PHF12: variants seen among roughly 807,000 people sequenced by gnomAD.
PHF12 encodes the protein PHD finger protein 12.
In PHF12, 6 loss-of-function variants were observed where a neutral mutation model predicts 99.8. The observed-to-expected ratio is 0.06, with a 90% CI of 0.03 to 0.12. PHF12 has a LOEUF of 0.12. Among genes scored for constraint, PHF12 ranks in the 10% least tolerant of loss-of-function variants. The pLI, the probability that PHF12 is intolerant of heterozygous loss-of-function variation, is 1.00. For missense variants in PHF12, 954 were observed against 1,300.1 expected, an observed-to-expected ratio of 0.73 and a Z score of 4.09; for synonymous variants, 480 against 514.9, an observed-to-expected ratio of 0.93 and a Z score of 0.92.
intron 11 of PHF12, 176 bp from the exon 12 acceptor site, chr17:28,909,057 AC>A (rs2039917051): frequency 3.2e-6 from 2 of 619,402 alleles, no homozygotes; most frequent in Non-Finnish European, 5.8e-6. Context: ...TTCTCTCCCC[AC>A]CCACAGCATT....
Position 28,949,202 on chromosome 17 carries a change from C to G in PHF12, c.248+863G>C, listed in dbSNP as rs763026714. On this transcript the variant is annotated intron_variant, in intron 2 of 14. Coordinates refer to ENST00000332830, the MANE Select transcript of PHF12 (RefSeq NM_001033561.2). The surrounding 1 kb of genome is among the most constrained non-coding windows in gnomAD (Gnocchi z 4.6). ...CCTCTGGCAGCAAAGAATTTTGCAG[C>G]GAAGGGCTCGCCGATCCGGAGCGGA... Among the ~76,000 whole-genome samples the G allele has an allele frequency of 1.2e-4, 18 of 152,294 alleles. No homozygotes were observed. The highest frequency in any genetic ancestry group is 2.1e-4 in the South Asian group (1 of 4,824).
At chr17:28,908,731 T>C in intron 12 of PHF12, 52 bp downstream of exon 12, 1 of 1,571,036 alleles carries the variant, frequency 6.4e-7, no homozygotes, top group East Asian at 2.2e-5. Context: ...AGGGTGTCAG[T>C]CTTTAGGGCT....
At chr17:28,910,125 T>C (rs1008990280) in intron 11 of PHF12, 101 bp downstream of exon 11, 12 of 1,541,036 alleles carry the variant, frequency 7.8e-6, no homozygotes, top group Admixed American at 3.3e-5. Flanking sequence ...ACAAGGAGGT[T>C]TGAGATACTG....
Position 28,913,201 on chromosome 17 carries a change from T to C in PHF12, c.1370A>G (p.Asp457Gly). ...ATCAGCCTTCTCTGTCTGTTCAGAG[T>C]CCCAATGCGAAGGCATCTGCTTAGC... Reference protein sequence around the residue: ...LSAKQMPSHWDSEQTEKADIK... With the variant: ...LSAKQMPSHWGSEQTEKADIK... The change falls in exon 9 of 15, where the codon GAC becomes GGC. Residue 457 changes from aspartate to glycine, a missense_variant. Physicochemically the swap from Asp to Gly is moderately conservative, Grantham distance 94. Transcript: ENST00000332830. The C allele has an allele frequency of 6.2e-7, 1 of 1,613,996 alleles. No individual in the cohort carries two copies. The highest frequency in any genetic ancestry group is 8.5e-7 in the Non-Finnish European group (1 of 1,179,978).
chr17:28,934,591 CTTTCTTTTT>C (rs1042125326), intron 2 of PHF12, among the ~76,000 whole-genome samples: 4 of 149,442 alleles, frequency 2.7e-5, no homozygotes, highest in Non-Finnish European at 3.0e-5. Context: ...CCTTTCTTTT[CTTTCTTTTT>C]TTCTTTTCTA....
intron 2 of PHF12, among the ~76,000 whole-genome samples, chr17:28,947,769 A>AT (rs1598166832): frequency 6.6e-6 from 1 of 152,214 alleles, no homozygotes. Flanking sequence ...AATAACTCAG[A>AT]TAAGTCAATG....
chr17:28,933,419 T>A (rs1178397969), intron 2 of PHF12, among the ~76,000 whole-genome samples: 1 of 152,250 alleles, frequency 6.6e-6, no homozygotes, highest in East Asian at 1.9e-4. Flanking sequence ...CTGACTTATC[T>A]AAAGCCACTA....
Position 28,911,250 on chromosome 17 carries a change from C to G in PHF12, c.2090-13G>C, listed in dbSNP as rs1212681145. 1 of 1,613,780 alleles carries G rather than the reference C, an allele frequency of 6.2e-7. No individual in the cohort carries two copies. The highest frequency in any genetic ancestry group is 1.3e-5 in the African/African-American group (1 of 74,920). On this transcript the variant is annotated splice_polypyrimidine_tract_variant and intron_variant, in intron 9 of 14. Coordinates refer to ENST00000332830, the MANE Select transcript of PHF12 (RefSeq NM_001033561.2). ...CTGACCTTGCCATCTGGGGACGGAG[C>G]AGGAAGACTGTTACTTACGTCGCCT...
intron 2 of PHF12, among the ~76,000 whole-genome samples, chr17:28,948,272 A>C (rs964826030): frequency 1.3e-5 from 2 of 152,146 alleles, no homozygotes; most frequent in Non-Finnish European, 2.9e-5. Context: ...GTCCTGGTAT[A>C]CATACCAAAC....
intron 7 of PHF12, among the ~76,000 whole-genome samples, chr17:28,914,961 G>C (rs942568132): frequency 9.9e-5 from 15 of 152,202 alleles, no homozygotes; most frequent in Admixed American, 7.2e-4. Flanking sequence ...TAAAAGTTAA[G>C]ACTTGCCCTC....
intron 10 of PHF12, 30 bp downstream of exon 10, chr17:28,911,081 AC>A: frequency 6.2e-7 from 1 of 1,613,766 alleles, no homozygotes; most frequent in South Asian, 1.1e-5. Context: ...AACATAGCAA[AC>A]GGTGGAACAG....
At chr17:28,914,591 G>A (rs1201417396) in intron 7 of PHF12, among the ~76,000 whole-genome samples, 2 of 141,688 alleles carry the variant, frequency 1.4e-5, no homozygotes, top group Non-Finnish European at 3.0e-5. Context: ...AGAATGGCAT[G>A]AACCCGGGAG....
At position 28,923,934 on chromosome 17, in the gene PHF12, T is replaced by C. The variant is rs1567960117; in HGVS notation, c.690A>G (p.Glu230=). Residue 230 remains glutamate (E), a synonymous_variant, in exon 4 of 15, where the codon GAA becomes GAG. Coordinates refer to ENST00000332830, the MANE Select transcript of PHF12 (RefSeq NM_001033561.2). The part of the protein sequence containing the change: ...RNPTQFQLPN[E]LTCTTALPGS... ...CTGGTAGTGCAGTGGTACAAGTCAG[T>C]TCATTGGGCAACTGAAATTGGGTGG... is the stretch of plus-strand genomic sequence containing the variant. The C allele has an allele frequency of 6.2e-7, 1 of 1,612,394 alleles. No individual in the cohort carries two copies. Among genetic ancestry groups the C allele is most frequent in the Non-Finnish European group, 8.5e-7 (1 of 1,179,642 alleles).
chr17:28,951,011 GGGGGA>G lies in PHF12; in HGVS notation c.-56_-52del. On this transcript the variant is annotated 5_prime_UTR_variant, in exon 1 of 15. Transcript: ENST00000332830. ...CTCTGCTCCGGCCCCCCCAACCCCG[GGGGGA>G]GGGGGGAGGTGAGGGGAGGGGGCGC... 6.2e-7 allele frequency: 1 copy of G among 1,610,542 alleles called. No homozygotes were observed. The highest frequency in any genetic ancestry group is 8.5e-7 in the Non-Finnish European group (1 of 1,178,138).
chr17:28,918,753 T>C (rs1449691110), intron 6 of PHF12, among the ~76,000 whole-genome samples: 1 of 152,238 alleles, frequency 6.6e-6, no homozygotes, highest in African/African-American at 2.4e-5. Flanking sequence ...CTTCACACTA[T>C]TATTCATTCA....
At chr17:28,928,798 A>G (rs778410871) in intron 2 of PHF12, among the ~76,000 whole-genome samples, 2 of 151,674 alleles carry the variant, frequency 1.3e-5, no homozygotes, top group African/African-American at 4.8e-5. Flanking sequence ...ACAAACAAAC[A>G]AACCAAACCA....
intron 3 of PHF12, 24 bp from the exon 4 acceptor site, chr17:28,924,326 C>T: frequency 6.2e-7 from 1 of 1,613,978 alleles, no homozygotes; most frequent in Middle Eastern, 1.6e-4. Context: ...CAGGTGGGCC[C>T]ATCATGAAAA....
In PHF12 at chr17:28,906,565, C is replaced by T. The variant is rs1259151074; in HGVS notation, c.2681-48G>A. ...CAGAAGAGGAACAGTGAGCAGCCAACCCATGTGGGCTGTTTGCCAAGGTTG... is the reference window on the plus strand; with the variant it reads ...CAGAAGAGGAACAGTGAGCAGCCAATCCATGTGGGCTGTTTGCCAAGGTTG... On this transcript the variant is annotated intron_variant, in intron 14 of 14. Coordinates refer to ENST00000332830, the MANE Select transcript of PHF12 (RefSeq NM_001033561.2). The surrounding 1 kb of genome is among the most constrained non-coding windows in gnomAD (Gnocchi z 4.2). 6.5e-7 allele frequency: 1 copy of T among 1,534,424 alleles called. No homozygotes were observed. The highest frequency in any genetic ancestry group is 1.3e-5 in the South Asian group (1 of 79,748).
At chr17:28,922,954 A>C (rs8076554) in intron 4 of PHF12, among the ~76,000 whole-genome samples, 51,141 of 151,676 alleles carry the variant, frequency 0.34, 9,985 homozygotes, top group African/African-American at 0.54. Flanking sequence ...GTGGTGTACA[A>C]CTGTGGTCCC....
Sources: gnomAD v4.1 joint callset for allele counts (sites outside exome capture counted in the v4.1 genomes callset) on GRCh38, gnomAD v4.1.1 for gene constraint, Gnocchi (gnomAD v3.1) non-coding constraint, MANE v1.5 for transcripts, NCBI Gene and HGNC (gene_info 2026-07-23, HGNC 2026-07-21) for gene names.